Variants in HS6ST2 observed in about 807,000 individuals in gnomAD.
The protein encoded by HS6ST2 is heparan sulfate 6-O-sulfotransferase 2, also known as heparan-sulfate 6-O-sulfotransferase 2.
A neutral mutation model predicts 33.0 loss-of-function variants in HS6ST2; 17 were observed. The ratio of observed to expected loss-of-function variants is 0.52; its 90% CI spans 0.35 to 0.77. The LOEUF is 0.77. Among genes scored for constraint, HS6ST2 ranks in the 30% least tolerant of loss-of-function variants. HS6ST2 has a pLI of 0.01. For missense variants in HS6ST2, 519 were observed against 551.7 expected, an observed-to-expected ratio of 0.94 and a Z score of 0.59; for synonymous variants, 248 against 237.1, an observed-to-expected ratio of 1.05 and a Z score of -0.42.
chrX:132,787,063 T>G (rs772048419), intron 2 of HS6ST2, among the ~76,000 whole-genome samples: 113 of 102,037 alleles, frequency 1.1e-3, no homozygotes, highest in African/African-American at 3.8e-3. Context: ...CCAAGCTGGG[T>G]CAAAGGTCCC....
At chrX:132,924,660 C>T (rs2066692192) in intron 2 of HS6ST2, among the ~76,000 whole-genome samples, 1 of 110,641 alleles carries the variant, frequency 9.0e-6, no homozygotes, top group Non-Finnish European at 1.9e-5. Flanking sequence ...GCCAGACCAG[C>T]CCCACCACCT....
chrX:132,859,586 G>GAAGAA (rs749358893), intron 2 of HS6ST2, among the ~76,000 whole-genome samples: 1 of 98,717 alleles, frequency 1.0e-5, no homozygotes. Flanking sequence ...CTTAGGAAAA[G>GAAGAA]AAGAAAAGAA....
intron 2 of HS6ST2, among the ~76,000 whole-genome samples, chrX:132,945,891 C>T (rs1275037248): frequency 1.6e-4 from 17 of 106,891 alleles, no homozygotes; most frequent in Non-Finnish European, 3.3e-4. Flanking sequence ...AGGAGATATA[C>T]CTAATGTAAA....
chrX:132,851,410 TG>T (rs1281440009), intron 2 of HS6ST2, among the ~76,000 whole-genome samples: 2 of 112,478 alleles, frequency 1.8e-5, no homozygotes, highest in African/African-American at 6.5e-5. Context: ...CAGAAAGGCC[TG>T]GGTTCAACCC....
intron 2 of HS6ST2, among the ~76,000 whole-genome samples, chrX:132,873,307 G>A (rs1326084809): frequency 9.0e-6 from 1 of 111,414 alleles, no homozygotes; most frequent in Non-Finnish European, 1.9e-5. Context: ...ATTTCTTCCA[G>A]GGAAGACAGG....
chrX:132,712,873 A>C (rs2064243192), intron 2 of HS6ST2, among the ~76,000 whole-genome samples: 1 of 110,444 alleles, frequency 9.1e-6, no homozygotes, highest in Non-Finnish European at 1.9e-5. Context: ...AAAAATACAA[A>C]AATTAGCCTG....
intron 3 of HS6ST2, among the ~76,000 whole-genome samples, chrX:132,702,393 A>G (rs1356771976): frequency 1.8e-5 from 2 of 112,459 alleles, no homozygotes; most frequent in Admixed American, 9.4e-5. Flanking sequence ...ATCCATTTAT[A>G]TTCTATAACA....
chrX:132,672,313 G>T lies in HS6ST2; in HGVS notation c.981-3114C>A, dbSNP rs190661609. Among the ~76,000 whole-genome samples, 600 of 107,906 alleles carry T rather than the reference G, an allele frequency of 5.6e-3. 5 individuals carry two copies. Among genetic ancestry groups the T allele is most frequent in the South Asian group, 0.051 (120 of 2,373 alleles). The allele number at this position is 107,906 out of a possible 115,157, so 93.7% of individuals were successfully genotyped here. A position where few individuals can be genotyped will look rare whatever the true frequency, so the allele number is the denominator to read the frequency against. On this transcript the variant is annotated intron_variant, in intron 3 of 4. Coordinates refer to ENST00000370833, the MANE Select transcript of HS6ST2 (RefSeq NM_001394073.1). ...TTGGATATATGAGATTGGTGGGGGG[G>T]GGTGGGTGCTCCTTGATTTAGAGTT...
chrX:132,838,095 T>C (rs1486207125), intron 2 of HS6ST2, among the ~76,000 whole-genome samples: 2 of 93,185 alleles, frequency 2.1e-5, no homozygotes, highest in East Asian at 2.8e-4. Context: ...GTCATTTTAA[T>C]TATCATAAAT....
chrX:132,671,850 T>C (rs1255977595), intron 3 of HS6ST2, among the ~76,000 whole-genome samples: 2 of 111,827 alleles, frequency 1.8e-5, no homozygotes, highest in African/African-American at 6.5e-5. Flanking sequence ...ACAGATCCAT[T>C]AACAGTGATG....
chrX:132,895,283 A>G (rs2066363153), intron 2 of HS6ST2, among the ~76,000 whole-genome samples: 1 of 111,462 alleles, frequency 9.0e-6, no homozygotes, highest in South Asian at 3.8e-4. Context: ...TATTAAATAC[A>G]ATGGCTCCTC....
At chrX:132,859,774 G>A (rs1230234893) in intron 2 of HS6ST2, among the ~76,000 whole-genome samples, 2 of 94,041 alleles carry the variant, frequency 2.1e-5, no homozygotes, top group Non-Finnish European at 4.3e-5. Flanking sequence ...GGGAGGAAGG[G>A]AGGGAGAGAG....
chrX:132,804,281 A>G (rs1294443658), intron 2 of HS6ST2, among the ~76,000 whole-genome samples: 2 of 111,522 alleles, frequency 1.8e-5, no homozygotes, highest in African/African-American at 6.5e-5. Flanking sequence ...GGCCATATCC[A>G]TTGCCACCAT....
rs1396635083 is a variant in HS6ST2, at chrX:132,626,125, A to C, written c.*2098T>G. 5 of 106,578 alleles carry C rather than the reference A, an allele frequency of 4.7e-5. No homozygotes were observed. The highest frequency in any genetic ancestry group is 1.7e-4 in the African/African-American group (5 of 29,283). The allele number at this position is 106,578 out of a possible 1,213,427, so 8.8% of individuals were successfully genotyped here. A position where few individuals can be genotyped will look rare whatever the true frequency, so the allele number is the denominator to read the frequency against. On this transcript the variant is annotated 3_prime_UTR_variant, in exon 5 of 5. Coordinates refer to ENST00000370833, the MANE Select transcript of HS6ST2 (RefSeq NM_001394073.1). ...TTACAGTTGAAATCATGGGATTTAC[A>C]TAATGGCAAAAATGTATATGTATAT...
chrX:132,807,833 G>A lies in HS6ST2; in HGVS notation c.948-99339C>T, dbSNP rs761803701. ...CGGCGCTAGCATTGAACAGCTCCTAGGAGGGTCATGTCACAGCTGAGAGTG... is the reference window on the plus strand; with the variant it reads ...CGGCGCTAGCATTGAACAGCTCCTAAGAGGGTCATGTCACAGCTGAGAGTG... On this transcript the variant is annotated intron_variant, in intron 2 of 4. Coordinates refer to ENST00000370833, the MANE Select transcript of HS6ST2 (RefSeq NM_001394073.1). Among the ~76,000 whole-genome samples the A allele has an allele frequency of 6.2e-5, 7 of 112,060 alleles. No homozygotes were observed. In the South Asian group the frequency reaches 2.6e-3, roughly 42 times the overall value.
At chrX:132,865,095 T>G (rs1325206878) in intron 2 of HS6ST2, among the ~76,000 whole-genome samples, 1 of 108,930 alleles carries the variant, frequency 9.2e-6, no homozygotes, top group African/African-American at 3.3e-5. Flanking sequence ...TCATCCAGCA[T>G]GAGGTATATC....
intron 4 of HS6ST2, among the ~76,000 whole-genome samples, chrX:132,637,945 ATATATAATATATATAAAATATTT>A (rs1370643162): frequency 1.1e-4 from 8 of 72,029 alleles, no homozygotes; most frequent in African/African-American, 3.2e-4. Context: ...ATAATATTTT[ATATATAATATATATAAAATATTT>A]TATATATATA....
intron 2 of HS6ST2, among the ~76,000 whole-genome samples, chrX:132,904,582 C>T (rs901592922): frequency 4.7e-5 from 5 of 106,917 alleles, no homozygotes; most frequent in Admixed American, 2.0e-4. Context: ...GTCTCACTCT[C>T]GCTCAGGCCG....
At chrX:132,812,444 T>A (rs962507731) in intron 2 of HS6ST2, among the ~76,000 whole-genome samples, 15 of 96,900 alleles carry the variant, frequency 1.5e-4, no homozygotes, top group African/African-American at 2.6e-4. Flanking sequence ...ATAATAATAA[T>A]AAAATAATAA....
Sources: gnomAD v4.1 joint callset for allele counts (sites outside exome capture counted in the v4.1 genomes callset) on GRCh38, gnomAD v4.1.1 for gene constraint, MANE v1.5 for transcripts, NCBI Gene and HGNC (gene_info 2026-07-23, HGNC 2026-07-21) for gene names.